DGKB: variants seen among roughly 807,000 people sequenced by gnomAD.
DGKB encodes diacylglycerol kinase beta.
DGKB carries 67 observed loss-of-function variants against 114.3 expected under a neutral mutation model. That is an observed-to-expected ratio of 0.59 (90% confidence interval 0.48 to 0.72). The LOEUF (loss-of-function observed/expected upper bound fraction) is 0.72, where lower values mean the gene tolerates loss of function less well. DGKB is among the 30% of genes least tolerant of loss of function. DGKB has a pLI of 0.00. For missense variants in DGKB, 907 were observed against 975.2 expected, an observed-to-expected ratio of 0.93 and a Z score of 0.93; for synonymous variants, 398 against 323.1, an observed-to-expected ratio of 1.23 and a Z score of -2.49.
At chr7:14,320,443 T>C (rs1394977263) in intron 23 of DGKB, among the ~76,000 whole-genome samples, 2 of 152,146 alleles carry the variant, frequency 1.3e-5, no homozygotes, top group Non-Finnish European at 2.9e-5. Flanking sequence ...ATAGCCTTGC[T>C]CCACAGCCTT....
At chr7:14,348,066 A>G (rs1002856284) in intron 21 of DGKB, among the ~76,000 whole-genome samples, 13 of 152,130 alleles carry the variant, frequency 8.5e-5, no homozygotes, top group East Asian at 3.9e-4. Flanking sequence ...CAGGACAACC[A>G]CAATGCTGAC....
intron 20 of DGKB, among the ~76,000 whole-genome samples, chr7:14,478,457 C>G (rs1438524993): frequency 2.6e-5 from 4 of 152,236 alleles, no homozygotes. Flanking sequence ...TTATTTGTTA[C>G]ATTTACATCT....
intron 17 of DGKB, among the ~76,000 whole-genome samples, chr7:14,596,143 G>A (rs1802541104): frequency 6.6e-6 from 1 of 152,114 alleles, no homozygotes; most frequent in African/African-American, 2.4e-5. Context: ...CCTGCTTGTT[G>A]TAGAGCTGAT....
intron 17 of DGKB, among the ~76,000 whole-genome samples, chr7:14,600,345 G>C (rs1268823913): frequency 6.6e-6 from 1 of 152,122 alleles, no homozygotes; most frequent in Non-Finnish European, 1.5e-5. Flanking sequence ...AAATTTTGGA[G>C]AGACACAAGT....
At chr7:14,260,844 T>C (rs947189339) in intron 23 of DGKB, among the ~76,000 whole-genome samples, 1 of 152,212 alleles carries the variant, frequency 6.6e-6, no homozygotes, top group Non-Finnish European at 1.5e-5. Flanking sequence ...TTGTTTTACA[T>C]CTACAAAAAG....
chr7:14,215,429 T>C (rs948349523), intron 23 of DGKB, among the ~76,000 whole-genome samples: 1 of 152,132 alleles, frequency 6.6e-6, no homozygotes, highest in Non-Finnish European at 1.5e-5. Context: ...CTCTCCCATC[T>C]CTTGCACGTA....
chr7:14,659,803 C>T lies in DGKB; in HGVS notation c.1134+13126G>A, dbSNP rs1365300809. Among the ~76,000 whole-genome samples, 11 of 151,302 alleles carry T rather than the reference C, an allele frequency of 7.3e-5. No individual in the cohort carries two copies. The East Asian group carries it at 2.3e-3, about 31-fold the overall frequency. ...GAGTGGTGAGAGAGGGCATCCCTGT[C>T]TTGTGCCAGTTTTCAAAGGGAATGC... On this transcript the variant is annotated intron_variant, in intron 13 of 25. Transcript: ENST00000402815.
At chr7:14,738,347 T>G (rs1832055752) in intron 4 of DGKB, among the ~76,000 whole-genome samples, 1 of 152,204 alleles carries the variant, frequency 6.6e-6, no homozygotes, top group Admixed American at 6.5e-5. Context: ...TCCTAGGTCT[T>G]CCATAATCAG....
intron 20 of DGKB, among the ~76,000 whole-genome samples, chr7:14,520,774 TTGAAC>T (rs1360534437): frequency 6.6e-6 from 1 of 152,082 alleles, no homozygotes; most frequent in African/African-American, 2.4e-5. Context: ...CCACAAGTGC[TTGAAC>T]AGAATGTGCG....
In DGKB at chr7:14,475,387, C is replaced by A. The variant is rs139948463; in HGVS notation, c.1835+2774G>T. ...AAATTCATCAGAAAATGTTCATATCCTGAATATATCACATTATGGTTTAGG... is the reference window on the plus strand; with the variant it reads ...AAATTCATCAGAAAATGTTCATATCATGAATATATCACATTATGGTTTAGG... On this transcript the variant is annotated intron_variant, in intron 21 of 25. Coordinates refer to ENST00000402815, the MANE Select transcript of DGKB (RefSeq NM_001350709.2). 9.5e-3 allele frequency among the ~76,000 whole-genome samples: 1,442 copies of A among 152,180 alleles called. 10 individuals carry two copies. The highest frequency in any genetic ancestry group is 0.015 in the Non-Finnish European group (1,041 of 67,986).
chr7:14,659,541 A>G (rs56177757), intron 13 of DGKB, among the ~76,000 whole-genome samples: 37,886 of 141,722 alleles, frequency 0.27, 6,316 homozygotes, highest in East Asian at 0.71. Context: ...TTTGTCTGTT[A>G]TTGGTGTATA....
intron 15 of DGKB, among the ~76,000 whole-genome samples, chr7:14,613,765 A>C (rs1806020859): frequency 6.6e-6 from 1 of 152,052 alleles, no homozygotes; most frequent in Non-Finnish European, 1.5e-5. Context: ...GCAGAATTTG[A>C]GGAAAAAGGG....
intron 1 of DGKB, among the ~76,000 whole-genome samples, chr7:14,955,265 A>G (rs1057033597): frequency 6.6e-6 from 1 of 152,090 alleles, no homozygotes; most frequent in Non-Finnish European, 1.5e-5. Flanking sequence ...TTTCACAGTG[A>G]ATAAGAGAAG....
At chr7:14,725,296 G>A (rs1829853448) in intron 5 of DGKB, among the ~76,000 whole-genome samples, 1 of 152,236 alleles carries the variant, frequency 6.6e-6, no homozygotes, top group Non-Finnish European at 1.5e-5. Flanking sequence ...GCAGTGGATA[G>A]CTAGTGGCTA....
rs192138919 is a variant in DGKB, at chr7:14,325,564, C to T, written c.2122+12951G>A. ...GGGATAAATATTCTAATAGGAATTGCCCCTTTCTTCAGAAAGGATGATTAA... is the reference window on the plus strand; with the variant it reads ...GGGATAAATATTCTAATAGGAATTGTCCCTTTCTTCAGAAAGGATGATTAA... On this transcript the variant is annotated intron_variant, in intron 23 of 25. Transcript: ENST00000402815. Among the ~76,000 whole-genome samples the T allele has an allele frequency of 3.0e-3, 460 of 152,236 alleles. 2 individuals carry two copies. The highest frequency in any genetic ancestry group is 4.9e-3 in the Non-Finnish European group (330 of 68,018).
intron 19 of DGKB, among the ~76,000 whole-genome samples, chr7:14,578,424 G>A (rs986342503): frequency 1.3e-5 from 2 of 152,168 alleles, no homozygotes; most frequent in Non-Finnish European, 2.9e-5. Flanking sequence ...CAATTGTTAA[G>A]TAACTTGCTC....
In DGKB at chr7:14,640,419, G is replaced by T. The variant is rs576409925; in HGVS notation, c.1135-10151C>A. On this transcript the variant is annotated intron_variant, in intron 13 of 25. Transcript: ENST00000402815. ...GTGGTCAAGATAAAATGAGAGTAAT[G>T]TAATGAAGAATAGATCACTAGGTAC... Among the ~76,000 whole-genome samples, 17 of 152,292 alleles carry T rather than the reference G, an allele frequency of 1.1e-4. No homozygotes were observed. The East Asian group carries it at 1.9e-3, about 17-fold the overall frequency.
At chr7:14,808,268 A>G (rs1282320559) in intron 2 of DGKB, among the ~76,000 whole-genome samples, 1 of 152,078 alleles carries the variant, frequency 6.6e-6, no homozygotes, top group Non-Finnish European at 1.5e-5. Flanking sequence ...GCTCTACAGA[A>G]AATAGCATTA....
intron 19 of DGKB, among the ~76,000 whole-genome samples, chr7:14,578,690 C>T (rs973293022): frequency 3.3e-5 from 5 of 152,156 alleles, no homozygotes; most frequent in Middle Eastern, 3.2e-3. Context: ...ATTGGGACAA[C>T]TATAATAGAA....
Sources: allele counts gnomAD v4.1 joint callset (sites outside exome capture counted in the v4.1 genomes callset), GRCh38; gene constraint gnomAD v4.1.1; transcripts MANE v1.5; gene names NCBI Gene and HGNC (gene_info 2026-07-23, HGNC 2026-07-21).